Variants in TBL2 observed in about 807,000 individuals in gnomAD.
TBL2 encodes transducin beta like 2.
In TBL2, 33 loss-of-function variants were observed where a neutral mutation model predicts 41.8. That is an observed-to-expected ratio of 0.79 (90% CI 0.60 to 1.06). TBL2 has a LOEUF of 1.06. Among genes scored for constraint, TBL2 ranks in the 50% least tolerant of loss-of-function variants. The pLI is 0.00. For synonymous variants in TBL2, 239 were observed against 241.7 expected (o/e 0.99, Z 0.10); for missense variants, 522 against 603.8 (o/e 0.86, Z 1.42).
At position 73,569,405 on chromosome 7, in the gene TBL2, C is replaced by T. The variant is rs1158473096; in HGVS notation, c.*1102G>A. On this transcript the variant is annotated 3_prime_UTR_variant, in exon 7 of 7. Coordinates refer to ENST00000305632, the MANE Select transcript of TBL2 (RefSeq NM_012453.4). ...TGGGATGAATAAATTTGCCTACACT[C>T]AAGCCTTCCCAGATACCTCATTTCC... is the stretch of plus-strand genomic sequence containing the variant. 1 of 152,146 alleles carries T rather than the reference C, an allele frequency of 6.6e-6. No individual in the cohort carries two copies. Among genetic ancestry groups the T allele is most frequent in the Non-Finnish European group, 1.5e-5 (1 of 68,032 alleles). 9.4% of individuals were successfully genotyped at this position (152,146 alleles called of 1,614,324 possible). A position where few individuals can be genotyped will look rare whatever the true frequency, so the allele number is the denominator to read the frequency against.
chr7:73,577,117 C>T (rs1217034254), intron 1 of TBL2, among the ~76,000 whole-genome samples: 2 of 151,652 alleles, frequency 1.3e-5, no homozygotes, highest in African/African-American at 4.9e-5. Context: ...AAAAATTAGC[C>T]GGGTGTGGTG....
intron 1 of TBL2, among the ~76,000 whole-genome samples, chr7:73,577,264 CAAA>C (rs34760825): frequency 1.7e-4 from 17 of 98,080 alleles, no homozygotes; most frequent in African/African-American, 7.1e-4. Context: ...CGTCCCCCTG[CAAA>C]AAAAAAAAAA....
intron 6 of TBL2, 36 bp downstream of exon 6, chr7:73,571,153 G>C: frequency 6.2e-7 from 1 of 1,612,840 alleles, no homozygotes; most frequent in African/African-American, 1.3e-5. Context: ...GAGGGGCCAA[G>C]AGCCACTGGT....
rs556994039 is a variant in TBL2, at chr7:73,574,406, G to A, written c.238C>T (p.Arg80Cys). ...EKPQQHNFTH[R>C]LLAAALKSHS... ...ACCTTCAGAGCTGCAGCCAGGAGGC[G>A]GTGGGTGAAGTTGTGTTGTTGAGGC... Residue 80 changes from arginine to cysteine, a missense_variant, in exon 2 of 7, where the codon CGC (arginine) becomes TGC (cysteine). Arg to Cys is a radical substitution (Grantham distance 180). Transcript: ENST00000305632. 122 of 1,613,732 alleles carry A rather than the reference G, an allele frequency of 7.6e-5. 1 individual carries two copies. The South Asian group carries it at 1.1e-3, about 14-fold the overall frequency.
intron 1 of TBL2, chr7:73,577,890 G>A (rs1793439094): frequency 5.2e-6 from 1 of 191,290 alleles, no homozygotes; most frequent in Non-Finnish European, 1.1e-5. Flanking sequence ...TCCCTGCCTC[G>A]GCCTCCCAAA....
rs1554587271 is a variant in TBL2, at chr7:73,570,774, G to A, written c.1077C>T (p.Thr359=). 2 of 1,614,156 alleles carry A rather than the reference G, an allele frequency of 1.2e-6. No homozygotes were observed. The highest frequency in any genetic ancestry group is 1.7e-6 in the Non-Finnish European group (2 of 1,180,040). The change falls in exon 7 of 7, where the codon ACC becomes ACT. Residue 359 remains threonine (T), a synonymous_variant. Coordinates refer to ENST00000305632, the MANE Select transcript of TBL2 (RefSeq NM_012453.4). ...AGCACTCCTCCTTCTCGCCCCGCCG[G>A]GTATTGTAGAGATGAATACTACTGC... ...ASGSSIHLYN[T]RRGEKEECFE...
At position 73,578,530 on chromosome 7, in the gene TBL2, G is replaced by C. The variant is rs781866230; in HGVS notation, c.20C>G (p.Ser7Trp). MELSQM[S>W]ELMGLSVLLG... ...CAACACCGACAGCCCCATGAGCTCC[G>C]ACATCTGCGAGAGCTCCATGTTGGT... Residue 7 changes from serine (S) to tryptophan (W), a missense_variant, in exon 1 of 7, where the codon TCG becomes TGG. Transcript: ENST00000305632. 1 of 1,588,748 alleles carries C rather than the reference G, an allele frequency of 6.3e-7. No homozygotes were observed. Among genetic ancestry groups the C allele is most frequent in the Non-Finnish European group, 8.6e-7 (1 of 1,169,294 alleles).
intron 1 of TBL2, chr7:73,578,001 C>G: frequency 2.1e-6 from 1 of 467,460 alleles, no homozygotes; most frequent in South Asian, 3.7e-5. Context: ...TACAGATGTA[C>G]TTCTCCTTTA....
rs1793153238 is a variant in TBL2, at chr7:73,574,256, C to G, written c.261+127G>C. 5.3e-6 allele frequency: 8 copies of G among 1,519,656 alleles called. No homozygotes were observed. The South Asian group carries it at 1.0e-4, about 19-fold the overall frequency. The allele number at this position is 1,519,656 out of a possible 1,614,324, so 94.1% of individuals were successfully genotyped here. On this transcript the variant is annotated intron_variant, in intron 2 of 6. Transcript: ENST00000305632. ...GAGATTGGGCTGCGATGAGAGGGGA[C>G]AGAATTAAGCACCCCCGCTGATTCT... is the stretch of plus-strand genomic sequence containing the variant.
chr7:73,568,000 C>T lies in TBL2; in HGVS notation c.*2507G>A, dbSNP rs1312184566. ...CCAGAGCTGCTTCTAAGAACAGGTGCGCAAAGGAAGTGTTTTAGTCTCATT... is the reference window on the plus strand; with the variant it reads ...CCAGAGCTGCTTCTAAGAACAGGTGTGCAAAGGAAGTGTTTTAGTCTCATT... On this transcript the variant is annotated 3_prime_UTR_variant, in exon 7 of 7. Coordinates refer to ENST00000305632, the MANE Select transcript of TBL2 (RefSeq NM_012453.4). Among the ~76,000 whole-genome samples, 2 of 152,108 alleles carry T rather than the reference C, an allele frequency of 1.3e-5. No homozygotes were observed. The highest frequency in any genetic ancestry group is 6.6e-5 in the Admixed American group (1 of 15,266).
At chr7:73,578,149 C>A in intron 1 of TBL2, 1 of 1,183,918 alleles carries the variant, frequency 8.4e-7, no homozygotes, top group Non-Finnish European at 1.2e-6. Context: ...ACGGTGCTCT[C>A]CTGGCCACCC....
At chr7:73,574,619 A>G (rs782188453) in intron 1 of TBL2, 106 bp from the exon 2 acceptor site, 1 of 1,506,634 alleles carries the variant, frequency 6.6e-7, no homozygotes, top group South Asian at 1.2e-5. Flanking sequence ...TTAACCAGAT[A>G]TGGCCCTTGT....
At position 73,570,602 on chromosome 7, in the gene TBL2, T is replaced by A; in HGVS notation, c.1249A>T (p.Lys417Ter). The stretch of plus-strand genomic sequence containing the variant: ...CGGGTGCTCTCGTTGGAGGCCCGCT[T>A]CAGGTGGCCCTGCATCTCCTCCACC... ...AMVEEMQGHL[K>*]RASNESTRQR... The change falls in exon 7 of 7, where the codon AAG becomes TAG. Residue 417 changes from lysine to a stop codon, truncating the protein, a stop_gained. Coordinates refer to ENST00000305632, the MANE Select transcript of TBL2 (RefSeq NM_012453.4). LOFTEE classifies it high-confidence loss of function. The A allele has an allele frequency of 6.2e-7, 1 of 1,613,236 alleles. No individual in the cohort carries two copies. The highest frequency in any genetic ancestry group is 8.5e-7 in the Non-Finnish European group (1 of 1,179,760).
intron 4 of TBL2, 134 bp from the exon 5 acceptor site, chr7:73,573,104 A>T: frequency 7.0e-7 from 1 of 1,427,822 alleles, no homozygotes; most frequent in Non-Finnish European, 9.5e-7. Context: ...ACAGATAAGG[A>T]CTCTGCTGAA....
intron 1 of TBL2, among the ~76,000 whole-genome samples, chr7:73,577,264 C>CCA (rs782149543): frequency 5.1e-5 from 5 of 98,096 alleles, no homozygotes; most frequent in Non-Finnish European, 5.7e-5. Context: ...CGTCCCCCTG[C>CCA]AAAAAAAAAA....
intron 3 of TBL2, 103 bp from the exon 4 acceptor site, chr7:73,573,574 C>A (rs1554588238): frequency 3.4e-6 from 5 of 1,452,128 alleles, no homozygotes; most frequent in Non-Finnish European, 3.7e-6. Flanking sequence ...TCTCCTCATG[C>A]CCCACAGTCT....
intron 1 of TBL2, among the ~76,000 whole-genome samples, chr7:73,575,012 G>A (rs62466290): frequency 6.6e-6 from 1 of 152,158 alleles, no homozygotes; most frequent in Non-Finnish European, 1.5e-5. Context: ...CCAGTGGAGT[G>A]TGGATCCTTG....
At chr7:73,576,798 G>A in intron 1 of TBL2, 1 of 432,388 alleles carries the variant, frequency 2.3e-6, no homozygotes, top group Admixed American at 2.6e-5. Flanking sequence ...ACCAAATGCT[G>A]TTTGGGGACT....
intron 1 of TBL2, among the ~76,000 whole-genome samples, chr7:73,575,596 A>G (rs781939256): frequency 1.6e-4 from 25 of 151,802 alleles, no homozygotes; most frequent in Non-Finnish European, 2.9e-4. Context: ...CCTGGCCCCA[A>G]TTTTTTTGTT....
Sources: allele counts gnomAD v4.1 joint callset (sites outside exome capture counted in the v4.1 genomes callset), GRCh38; gene constraint gnomAD v4.1.1; transcripts MANE v1.5; gene names NCBI Gene and HGNC (gene_info 2026-07-23, HGNC 2026-07-21).